ATP9B: variants seen among roughly 807,000 people sequenced by gnomAD.
ATP9B encodes ATPase phospholipid transporting 9B.
A neutral mutation model predicts 146.1 loss-of-function variants in ATP9B; 110 were observed. The ratio of observed to expected loss-of-function variants is 0.75; its 90% CI spans 0.65 to 0.88. The LOEUF (loss-of-function observed/expected upper bound fraction) is 0.88, where lower values mean the gene tolerates loss of function less well. Among genes scored for constraint, ATP9B ranks in the 40% least tolerant of loss-of-function variants. ATP9B has a pLI of 0.00. For synonymous variants in ATP9B, 604 were observed against 569.7 expected, an observed-to-expected ratio of 1.06 and a Z score of -0.86; for missense variants, 1,499 against 1,496.4, an observed-to-expected ratio of 1.00 and a Z score of -0.03.
At chr18:79,282,527 C>G (rs1320703614) in intron 13 of ATP9B, among the ~76,000 whole-genome samples, 1 of 152,186 alleles carries the variant, frequency 6.6e-6, no homozygotes, top group African/African-American at 2.4e-5. Flanking sequence ...TTGCTGAAGG[C>G]TCAGATGATT....
chr18:79,329,143 C>T lies in ATP9B; in HGVS notation c.1776C>T (p.Val592=), dbSNP rs145428357. 1.4e-5 allele frequency: 22 copies of T among 1,584,266 alleles called. No individual in the cohort carries two copies. The highest frequency in any genetic ancestry group is 2.7e-5 in the African/African-American group (2 of 73,624). Residue 592 remains valine (V), a splice_region_variant and synonymous_variant, in exon 16 of 30, where the codon GTC becomes GTT. Transcript: ENST00000426216. ...RTYQASSPDE[V]ALVQWTESVG... ...CAGTTGTTGCTGGTCTCCCGTAGGT[C>T]GCTCTGGTGCAGTGGACAGAGAGTG... is the stretch of plus-strand genomic sequence containing the variant.
chr18:79,213,179 C>T (rs1438217924), intron 10 of ATP9B, among the ~76,000 whole-genome samples: 1 of 151,860 alleles, frequency 6.6e-6, no homozygotes, highest in Non-Finnish European at 1.5e-5. Context: ...ACTTTCTCAC[C>T]TTAATTGTGT....
intron 13 of ATP9B, among the ~76,000 whole-genome samples, chr18:79,293,393 T>C (rs1396363603): frequency 2.6e-5 from 4 of 152,108 alleles, no homozygotes; most frequent in Non-Finnish European, 5.9e-5. Flanking sequence ...AGAGATCTGC[T>C]CTCATGAATG....
At chr18:79,240,110 C>T (rs1012962280) in intron 11 of ATP9B, among the ~76,000 whole-genome samples, 41 of 152,190 alleles carry the variant, frequency 2.7e-4, no homozygotes, top group African/African-American at 8.9e-4. Context: ...TAGAAGCTGG[C>T]GAAGTGAGGT....
intron 13 of ATP9B, among the ~76,000 whole-genome samples, chr18:79,283,323 A>G (rs2096399503): frequency 6.6e-6 from 1 of 152,166 alleles, no homozygotes; most frequent in Non-Finnish European, 1.5e-5. Flanking sequence ...GTTTGCAGAT[A>G]TCTTCCAAGT....
chr18:79,210,462 T>C (rs2095574221), intron 10 of ATP9B, among the ~76,000 whole-genome samples: 1 of 152,166 alleles, frequency 6.6e-6, no homozygotes, highest in African/African-American at 2.4e-5. Context: ...ATGTGGACTC[T>C]AGACCTGGGT....
At chr18:79,307,279 G>A (rs1252370196) in intron 15 of ATP9B, 45 bp downstream of exon 15, 7 of 1,611,628 alleles carry the variant, frequency 4.3e-6, no homozygotes, top group South Asian at 1.1e-5. Context: ...GTTCCATTTG[G>A]ACTCCAGAGT....
chr18:79,230,643 C>G (rs866304252), intron 11 of ATP9B, among the ~76,000 whole-genome samples: 7 of 152,140 alleles, frequency 4.6e-5, no homozygotes, highest in Non-Finnish European at 1.0e-4. Context: ...AATGACCATG[C>G]TGCCAAAAGT....
At chr18:79,181,343 G>A (rs1214923870) in intron 8 of ATP9B, among the ~76,000 whole-genome samples, 3 of 152,038 alleles carry the variant, frequency 2.0e-5, no homozygotes, top group Non-Finnish European at 4.4e-5. Flanking sequence ...GTCTTGCTTG[G>A]GTTTGTTGGG....
chr18:79,069,434 C>G lies in ATP9B; in HGVS notation c.24C>G (p.Tyr8Ter). The G allele has an allele frequency of 2.0e-6, 3 of 1,522,006 alleles. No individual in the cohort carries two copies. Among genetic ancestry groups the G allele is most frequent in the Non-Finnish European group, 2.6e-6 (3 of 1,138,494 alleles). 94.3% of individuals were successfully genotyped at this position (1,522,006 alleles called of 1,614,324 possible). ...ACATGGCGGACCAGATCCCGCTTTA[C>G]CCGGTGCGTAGCGCAGCGGCGGCCG... MADQIPLYPVRSAAAAAA... is the reference protein window; with the variant it reads MADQIPL The change falls in exon 1 of 30, where the codon TAC becomes TAG. Residue 8 changes from tyrosine to a stop codon, truncating the protein, a stop_gained. Coordinates refer to ENST00000426216, the MANE Select transcript of ATP9B (RefSeq NM_198531.5). LOFTEE classifies it high-confidence loss of function.
intron 17 of ATP9B, among the ~76,000 whole-genome samples, chr18:79,334,301 G>T (rs2096808161): frequency 1.3e-5 from 2 of 152,070 alleles, no homozygotes. Context: ...AGCTTGCAGT[G>T]AGCCGAGATC....
At chr18:79,171,687 A>G (rs927377806) in intron 7 of ATP9B, among the ~76,000 whole-genome samples, 6 of 152,086 alleles carry the variant, frequency 3.9e-5, no homozygotes, top group Admixed American at 2.0e-4. Context: ...GTCACCACCA[A>G]CGCAGTCAAG....
chr18:79,330,616 T>C (rs535284311), intron 17 of ATP9B, among the ~76,000 whole-genome samples: 3 of 152,196 alleles, frequency 2.0e-5, no homozygotes, highest in Non-Finnish European at 4.4e-5. Flanking sequence ...GGTTTCACCA[T>C]GTTAGCCAGG....
chr18:79,341,271 CGTCG>C (rs2096857005), intron 19 of ATP9B, among the ~76,000 whole-genome samples: 1 of 120,026 alleles, frequency 8.3e-6, no homozygotes, highest in Admixed American at 8.6e-5. Flanking sequence ...AGCGTGACCT[CGTCG>C]AAGTCTGTGT....
chr18:79,177,169 C>T (rs1490912610), intron 8 of ATP9B, among the ~76,000 whole-genome samples: 1 of 152,082 alleles, frequency 6.6e-6, no homozygotes, highest in African/African-American at 2.4e-5. Context: ...CCTGCCCTTC[C>T]TCCCTGTCCT....
At chr18:79,292,103 T>G (rs991068981) in intron 13 of ATP9B, among the ~76,000 whole-genome samples, 3 of 152,260 alleles carry the variant, frequency 2.0e-5, no homozygotes, top group Non-Finnish European at 4.4e-5. Context: ...TATTCCATCG[T>G]GTGGATACAC....
chr18:79,103,995 C>T lies in ATP9B; in HGVS notation c.294-6360C>T, dbSNP rs143421345. Among the ~76,000 whole-genome samples, 185 of 152,266 alleles carry T rather than the reference C, an allele frequency of 1.2e-3. 2 individuals are homozygous for T. Among genetic ancestry groups the T allele is most frequent in the Admixed American group, 0.012 (179 of 15,300 alleles). ...CTCACCACTATTTACAGCCAAGAAC[C>T]GGAAGAGTCCCTTTTGTGACAGCTA... On this transcript the variant is annotated intron_variant, in intron 2 of 29. Coordinates refer to ENST00000426216, the MANE Select transcript of ATP9B (RefSeq NM_198531.5).
rs1373717722 is a variant in ATP9B, at chr18:79,303,712, C to T, written c.1520C>T (p.Ser507Leu). 9.9e-6 allele frequency: 16 copies of T among 1,613,218 alleles called. No individual in the cohort carries two copies. The highest frequency in any genetic ancestry group is 1.4e-5 in the Non-Finnish European group (16 of 1,179,402). Reference sequence around the variant, plus strand: ...CAGAGCCATGTCAGGGACTCCTACTCACAGGTAAGTGGGTTCCTCCTGCAC... The same window carrying T: ...CAGAGCCATGTCAGGGACTCCTACTTACAGGTAAGTGGGTTCCTCCTGCAC... ...EIQSHVRDSY[S>L]QMQSQAGGNN... Residue 507 changes from serine (S) to leucine (L), a missense_variant, in exon 14 of 30, where the codon TCA (serine) becomes TTA (leucine). Transcript: ENST00000426216.
At chr18:79,290,095 C>T (rs561365140) in intron 13 of ATP9B, among the ~76,000 whole-genome samples, 122 of 152,124 alleles carry the variant, frequency 8.0e-4, no homozygotes, top group African/African-American at 2.7e-3. Flanking sequence ...GCAGTCTGCC[C>T]GTTCTCAGAT....
Sources: gnomAD v4.1 joint callset for allele counts (sites outside exome capture counted in the v4.1 genomes callset) on GRCh38, gnomAD v4.1.1 for gene constraint, MANE v1.5 for transcripts, NCBI Gene and HGNC (gene_info 2026-07-23, HGNC 2026-07-21) for gene names.